WDFY2: variants seen among roughly 807,000 people sequenced by gnomAD.
The protein encoded by WDFY2 is WD repeat and FYVE domain-containing protein 2.
A neutral mutation model predicts 56.4 loss-of-function variants in WDFY2; 36 were observed. That is an observed-to-expected ratio of 0.64 (90% CI 0.49 to 0.84). The LOEUF is 0.84. WDFY2 is among the 40% of genes least tolerant of loss of function. WDFY2 has a pLI of 0.00. For missense variants in WDFY2, 444 were observed against 512.2 expected (o/e 0.87, Z 1.29); for synonymous variants, 176 against 183.7 (o/e 0.96, Z 0.34).
At chr13:51,647,983 G>A (rs1040221936) in intron 1 of WDFY2, among the ~76,000 whole-genome samples, 4 of 152,190 alleles carry the variant, frequency 2.6e-5, no homozygotes, top group Admixed American at 1.3e-4. Context: ...TAAAAAATTG[G>A]GATCTCAGAA....
rs774251540 is a variant in WDFY2 at position 51,756,397 on chromosome 13, CCT to C, written c.1000_1001del (p.Leu334AspfsTer6). ...GCAGCTCCAAGCGCTCCTCCATCCC[CCT>C]GATGGGCTTCGAGTTTGAAGTGAGG... ...KCSSKRSSIPLMGFEFEVRVC... is the reference protein window; with the variant it reads ...KCSSKRSSIPXMGFEFEVRVC... On this transcript the variant is annotated frameshift_variant, in exon 10 of 12. Coordinates refer to ENST00000298125, the MANE Select transcript of WDFY2 (RefSeq NM_052950.4). LOFTEE classifies it high-confidence loss of function. 1 of 1,614,152 alleles carries C rather than the reference CCT, an allele frequency of 6.2e-7. No individual in the cohort carries two copies.
chr13:51,676,021 C>G (rs1425920608), intron 3 of WDFY2, among the ~76,000 whole-genome samples: 1 of 152,056 alleles, frequency 6.6e-6, no homozygotes, highest in African/African-American at 2.4e-5. Flanking sequence ...ATTAGAAGGC[C>G]CTGCTCTGCT....
At chr13:51,655,091 G>GT (rs1379082860) in intron 1 of WDFY2, among the ~76,000 whole-genome samples, 4 of 152,076 alleles carry the variant, frequency 2.6e-5, no homozygotes, top group Admixed American at 1.3e-4. Flanking sequence ...AGCTTCAGTC[G>GT]TTTTTTCTTG....
At chr13:51,730,255 A>C (rs1952693625) in intron 6 of WDFY2, among the ~76,000 whole-genome samples, 1 of 152,212 alleles carries the variant, frequency 6.6e-6, no homozygotes, top group Admixed American at 6.5e-5. Flanking sequence ...TTATTACGCC[A>C]CTGAAACTGC....
chr13:51,644,265 A>G (rs1955226906), intron 1 of WDFY2, among the ~76,000 whole-genome samples: 1 of 152,238 alleles, frequency 6.6e-6, no homozygotes, highest in Non-Finnish European at 1.5e-5. Flanking sequence ...GCTATTTGTA[A>G]GAAAACTACT....
intron 1 of WDFY2, 87 bp from the exon 2 acceptor site, chr13:51,660,509 A>C (rs1167324135): frequency 3.0e-6 from 4 of 1,340,432 alleles, no homozygotes; most frequent in Non-Finnish European, 4.2e-6. Flanking sequence ...TCTATATATA[A>C]TATTAAGAGA....
intron 3 of WDFY2, among the ~76,000 whole-genome samples, chr13:51,690,985 A>C (rs1215922454): frequency 2.0e-5 from 3 of 152,178 alleles, no homozygotes; most frequent in Admixed American, 6.5e-5. Flanking sequence ...TTGGCTGCAT[A>C]AATGTCTTAT....
At chr13:51,611,276 C>A (rs1954497748) in intron 1 of WDFY2, among the ~76,000 whole-genome samples, 1 of 152,166 alleles carries the variant, frequency 6.6e-6, no homozygotes, top group African/African-American at 2.4e-5. Flanking sequence ...TGTTGCTTCA[C>A]TTGGTCAATC....
chr13:51,745,050 A>G (rs2138701764), intron 7 of WDFY2, among the ~76,000 whole-genome samples: 1 of 152,356 alleles, frequency 6.6e-6, no homozygotes, highest in South Asian at 2.1e-4. Flanking sequence ...TGTTGCTGCC[A>G]GCTATGAGTG....
chr13:51,685,665 A>C (rs1017248026), intron 3 of WDFY2, among the ~76,000 whole-genome samples: 1 of 152,102 alleles, frequency 6.6e-6, no homozygotes, highest in Non-Finnish European at 1.5e-5. Flanking sequence ...GAGGAAGAAG[A>C]GGGGTTGGTT....
intron 1 of WDFY2, among the ~76,000 whole-genome samples, chr13:51,648,468 G>C (rs921334825): frequency 1.3e-5 from 2 of 152,080 alleles, no homozygotes; most frequent in Admixed American, 1.3e-4. Context: ...CTTGACCTTG[G>C]GGCAAATATC....
At chr13:51,598,762 C>G (rs1954207209) in intron 1 of WDFY2, 1 of 152,064 alleles carries the variant, frequency 6.6e-6, no homozygotes, top group Admixed American at 6.5e-5. Flanking sequence ...AAAATATTCT[C>G]CTCTATTGGA....
intron 1 of WDFY2, among the ~76,000 whole-genome samples, chr13:51,603,504 A>C (rs1593864866): frequency 6.6e-6 from 1 of 152,128 alleles, no homozygotes; most frequent in African/African-American, 2.4e-5. Flanking sequence ...GTATACATCA[A>C]CCTGGCCATA....
intron 1 of WDFY2, among the ~76,000 whole-genome samples, chr13:51,612,837 T>C (rs556394123): frequency 6.6e-6 from 1 of 152,336 alleles, no homozygotes; most frequent in Admixed American, 6.5e-5. Flanking sequence ...GGTGCAGAGA[T>C]TGTGATCAGT....
Position 51,727,794 on chromosome 13 carries a change from G to C in WDFY2, c.598+4G>C. On this transcript the variant is annotated splice_donor_region_variant and intron_variant, in intron 6 of 11. Transcript: ENST00000298125. The stretch of plus-strand genomic sequence containing the variant: ...ACAACATTCAGAGGACACACAGGTA[G>C]GATTAACAGTAAAATCGTCATGTGC... 1 of 1,613,352 alleles carries C rather than the reference G, an allele frequency of 6.2e-7. No individual in the cohort carries two copies. Among genetic ancestry groups the C allele is most frequent in the Non-Finnish European group, 8.5e-7 (1 of 1,179,586 alleles).
At chr13:51,652,256 GGTAGAT>G (rs1955405871) in intron 1 of WDFY2, among the ~76,000 whole-genome samples, 5 of 152,116 alleles carry the variant, frequency 3.3e-5, no homozygotes, top group Admixed American at 3.3e-4. Context: ...CCATTTGCTT[GGTAGAT>G]CTTCCTCCAT....
rs553050592 is a variant in WDFY2, at chr13:51,672,736, A to C, written c.206-2434A>C. Among the ~76,000 whole-genome samples the C allele has an allele frequency of 9.2e-5, 14 of 152,110 alleles. No homozygotes were observed. The South Asian group carries it at 2.7e-3, about 29-fold the overall frequency. On this transcript the variant is annotated intron_variant, in intron 2 of 11. Transcript: ENST00000298125. ...TGTGATTTCTTTCAGCAGTGTTTGT[A>C]GTTTTCTTTGTAGAGGTCTTTCACC...
At chr13:51,616,413 CT>C (rs1281226955) in intron 1 of WDFY2, among the ~76,000 whole-genome samples, 1 of 152,060 alleles carries the variant, frequency 6.6e-6, no homozygotes, top group Admixed American at 6.6e-5. Context: ...ATGCTGTCTT[CT>C]TTTTTTCAAT....
chr13:51,673,920 G>GA (rs938713111), intron 2 of WDFY2, among the ~76,000 whole-genome samples: 2 of 152,000 alleles, frequency 1.3e-5, no homozygotes, highest in East Asian at 1.9e-4. Context: ...TAGAAAATTA[G>GA]AAAAAAAGTA....
Sources: gnomAD v4.1 joint callset for allele counts (sites outside exome capture counted in the v4.1 genomes callset) on GRCh38, gnomAD v4.1.1 for gene constraint, MANE v1.5 for transcripts, NCBI Gene and HGNC (gene_info 2026-07-23, HGNC 2026-07-21) for gene names.